Variants in CUL5 observed in about 807,000 individuals in gnomAD.
CUL5 encodes cullin-5.
CUL5 carries 26 observed loss-of-function variants against 108.8 expected under a neutral mutation model. The ratio of observed to expected loss-of-function variants is 0.24; its 90% CI spans 0.18 to 0.33. The LOEUF (loss-of-function observed/expected upper bound fraction) is 0.33, where lower values mean the gene tolerates loss of function less well. Ranked by LOEUF, CUL5 falls within the 10% of genes least tolerant of loss-of-function variation. CUL5 has a pLI of 1.00. For missense variants in CUL5, 524 were observed against 909.2 expected, an observed-to-expected ratio of 0.58 and a Z score of 5.45; for synonymous variants, 334 against 298.0, an observed-to-expected ratio of 1.12 and a Z score of -1.25.
rs555575125 is a variant in CUL5 at position 108,079,007 on chromosome 11, G to C, written c.1178+767G>C. On this transcript the variant is annotated intron_variant, in intron 11 of 18. Transcript: ENST00000393094. ...TTCTCTTTTATAAACTGTGAAATAT[G>C]TGAAACATATAGCACTGCATCTTGG... is the stretch of plus-strand genomic sequence containing the variant. Among the ~76,000 whole-genome samples the C allele has an allele frequency of 2.6e-5, 4 of 152,206 alleles. No homozygotes were observed. In the South Asian group the frequency reaches 8.3e-4, roughly 32 times the overall value.
intron 7 of CUL5, among the ~76,000 whole-genome samples, chr11:108,059,247 A>G (rs772621396): frequency 1.5e-4 from 23 of 152,172 alleles, no homozygotes; most frequent in African/African-American, 4.3e-4. Context: ...ATACCTTAGT[A>G]TTTCCTGGGG....
intron 10 of CUL5, 149 bp downstream of exon 10, chr11:108,073,646 C>T (rs573831325): frequency 4.1e-5 from 17 of 410,860 alleles, no homozygotes; most frequent in South Asian, 1.7e-4. Context: ...CAACTATATT[C>T]GTTTTGTCTT....
At chr11:108,052,874 C>A in intron 5 of CUL5, 73 bp downstream of exon 5, 1 of 1,318,560 alleles carries the variant, frequency 7.6e-7, no homozygotes, top group Non-Finnish European at 1.0e-6. Flanking sequence ...ATAGCACAAT[C>A]AAAGTTAAGT....
intron 7 of CUL5, among the ~76,000 whole-genome samples, chr11:108,062,665 G>A (rs963123604): frequency 1.1e-4 from 17 of 151,758 alleles, no homozygotes; most frequent in Admixed American, 1.3e-4. Flanking sequence ...GGCATGCAAC[G>A]CATGATAATC....
intron 3 of CUL5, among the ~76,000 whole-genome samples, chr11:108,047,021 T>C (rs1565244693): frequency 6.6e-6 from 1 of 152,070 alleles, no homozygotes; most frequent in East Asian, 1.9e-4. Flanking sequence ...TTCCTTTCTA[T>C]AACATGAGGT....
At chr11:108,062,049 A>G (rs1440301163) in intron 7 of CUL5, among the ~76,000 whole-genome samples, 1 of 152,214 alleles carries the variant, frequency 6.6e-6, no homozygotes, top group Admixed American at 6.5e-5. Flanking sequence ...GGGAATTACA[A>G]TTCGAGATGA....
At chr11:108,039,456 ACCTT>A (rs1370600153) in intron 2 of CUL5, among the ~76,000 whole-genome samples, 1 of 152,204 alleles carries the variant, frequency 6.6e-6, no homozygotes, top group East Asian at 1.9e-4. Flanking sequence ...GGGGAACAAT[ACCTT>A]CCTTAGTTGA....
chr11:108,086,806 A>G (rs1216007574), intron 11 of CUL5, among the ~76,000 whole-genome samples: 1 of 152,214 alleles, frequency 6.6e-6, no homozygotes, highest in Non-Finnish European at 1.5e-5. Context: ...CTCAGAATGT[A>G]GCAGCCTTCA....
chr11:108,084,336 C>G (rs1290059392), intron 11 of CUL5, among the ~76,000 whole-genome samples: 1 of 152,196 alleles, frequency 6.6e-6, no homozygotes, highest in Admixed American at 6.5e-5. Flanking sequence ...GGATTTGTAA[C>G]TGTGTTTCCC....
At chr11:108,069,406 A>G (rs1352126086) in intron 7 of CUL5, among the ~76,000 whole-genome samples, 1 of 152,084 alleles carries the variant, frequency 6.6e-6, no homozygotes, top group African/African-American at 2.4e-5. Context: ...TTTCTTCTCT[A>G]CCATTTTAAG....
chr11:108,061,365 C>A (rs1591307046), intron 7 of CUL5, among the ~76,000 whole-genome samples: 2 of 152,162 alleles, frequency 1.3e-5, no homozygotes, highest in Non-Finnish European at 2.9e-5. Context: ...GGAGAGAATT[C>A]TATCTAGCAA....
At chr11:108,072,199 A>G (rs1863842433) in intron 8 of CUL5, 133 bp from the exon 9 acceptor site, 1 of 695,180 alleles carries the variant, frequency 1.4e-6, no homozygotes, top group Admixed American at 3.7e-5. Context: ...AAACAACAAC[A>G]AAAAAACGAA....
At chr11:108,032,377 G>A (rs1226037230) in intron 1 of CUL5, among the ~76,000 whole-genome samples, 2 of 152,038 alleles carry the variant, frequency 1.3e-5, no homozygotes, top group Non-Finnish European at 2.9e-5. Context: ...GCATGGTGGT[G>A]CGCACGTGTA....
intron 18 of CUL5, among the ~76,000 whole-genome samples, chr11:108,100,121 A>C (rs1471259444): frequency 6.6e-6 from 1 of 152,128 alleles, no homozygotes; most frequent in African/African-American, 2.4e-5. Context: ...TATCAGAATA[A>C]ATAAGAATGA....
chr11:108,043,400 C>G (rs990597915), intron 2 of CUL5, among the ~76,000 whole-genome samples: 5 of 152,092 alleles, frequency 3.3e-5, no homozygotes, highest in Admixed American at 6.6e-5. Flanking sequence ...ACTCTAGATT[C>G]TTTTAGTCAT....
At chr11:108,103,232 A>G (rs576524849) in intron 18 of CUL5, among the ~76,000 whole-genome samples, 1 of 152,236 alleles carries the variant, frequency 6.6e-6, no homozygotes, top group Non-Finnish European at 1.5e-5. Context: ...AAATTTTGAT[A>G]AAATGACCTA....
intron 13 of CUL5, 102 bp downstream of exon 13, chr11:108,089,725 A>G: frequency 1.5e-6 from 1 of 669,030 alleles, no homozygotes; most frequent in Non-Finnish European, 2.3e-6. Context: ...TCAAAGAAGT[A>G]GGAAACATTT....
intron 2 of CUL5, among the ~76,000 whole-genome samples, chr11:108,040,464 C>T (rs961266550): frequency 1.3e-5 from 2 of 151,876 alleles, no homozygotes; most frequent in Non-Finnish European, 2.9e-5. Flanking sequence ...ATACAAAAAT[C>T]GGCTGGGTGT....
At chr11:108,021,293 G>T (rs532818497) in intron 1 of CUL5, among the ~76,000 whole-genome samples, 1 of 152,250 alleles carries the variant, frequency 6.6e-6, no homozygotes, top group Admixed American at 6.5e-5. Context: ...GTTGTGTGGT[G>T]TTCAAAATGT....
Sources: gnomAD v4.1 joint callset for allele counts (sites outside exome capture counted in the v4.1 genomes callset) on GRCh38, gnomAD v4.1.1 for gene constraint, MANE v1.5 for transcripts, NCBI Gene and HGNC (gene_info 2026-07-23, HGNC 2026-07-21) for gene names.